Variants in NTRK2 observed in about 807,000 individuals in gnomAD.
NTRK2 encodes the protein neurotrophic receptor tyrosine kinase 2, also known as BDNF/NT-3 growth factors receptor.
A neutral mutation model predicts 94.5 loss-of-function variants in NTRK2; 13 were observed. The observed-to-expected ratio is 0.14, with a 90% CI of 0.09 to 0.22. The LOEUF (loss-of-function observed/expected upper bound fraction) is 0.22, where lower values mean the gene tolerates loss of function less well. Ranked by LOEUF, NTRK2 falls within the 10% of genes least tolerant of loss-of-function variation. The pLI is 1.00. For missense variants in NTRK2, 639 were observed against 1,071.2 expected (o/e 0.60, Z 5.63); for synonymous variants, 372 against 407.4 (o/e 0.91, Z 1.05).
intron 9 of NTRK2, among the ~76,000 whole-genome samples, chr9:84,739,061 T>G (rs924471559): frequency 2.0e-5 from 3 of 152,146 alleles, no homozygotes; most frequent in African/African-American, 7.2e-5. Flanking sequence ...AATTATTTAT[T>G]TATTTTTGAG....
At chr9:84,787,954 C>T (rs78813721) in intron 12 of NTRK2, among the ~76,000 whole-genome samples, 2,216 of 152,288 alleles carry the variant, frequency 0.015, 45 homozygotes, top group South Asian at 0.033. Flanking sequence ...TTCTGTGCCT[C>T]AGTTTCGCAC....
chr9:84,779,573 T>G (rs1405704482), intron 12 of NTRK2, among the ~76,000 whole-genome samples: 1 of 152,244 alleles, frequency 6.6e-6, no homozygotes, highest in Non-Finnish European at 1.5e-5. Flanking sequence ...TTTCTTGTTC[T>G]GCAAAAGGGG....
chr9:84,672,736 T>TATC lies in NTRK2; in HGVS notation c.212+1777_212+1779dup, dbSNP rs1387265550. On this transcript the variant is annotated intron_variant, in intron 2 of 18. Transcript: ENST00000277120. ...TGATCTGAGAAAAAGGAAATAAAACTATCTTTAAATCTAAAAAATTATTAT... is the reference window on the plus strand; with the variant it reads ...TGATCTGAGAAAAAGGAAATAAAACTATCATCTTTAAATCTAAAAAATTATTAT... Among the ~76,000 whole-genome samples the TATC allele has an allele frequency of 2.1e-4, 32 of 152,326 alleles. No homozygotes were observed. The South Asian group carries it at 5.6e-3, about 27-fold the overall frequency.
At chr9:84,737,652 A>G (rs1354906406) in intron 9 of NTRK2, among the ~76,000 whole-genome samples, 1 of 151,940 alleles carries the variant, frequency 6.6e-6, no homozygotes, top group Non-Finnish European at 1.5e-5. Context: ...ATTTTTTTCA[A>G]CTTGTATTTT....
intron 2 of NTRK2, among the ~76,000 whole-genome samples, chr9:84,694,514 T>C (rs929901271): frequency 1.3e-5 from 2 of 152,192 alleles, no homozygotes; most frequent in African/African-American, 2.4e-5. Flanking sequence ...CCCTCAAGAA[T>C]AGAGCCACAG....
chr9:84,673,001 C>T (rs1248825539), intron 2 of NTRK2, among the ~76,000 whole-genome samples: 1 of 152,056 alleles, frequency 6.6e-6, no homozygotes, highest in Non-Finnish European at 1.5e-5. Flanking sequence ...ATTTGAAAAC[C>T]TCTTGGGGTT....
intron 12 of NTRK2, among the ~76,000 whole-genome samples, chr9:84,807,421 C>T (rs1280888571): frequency 1.3e-5 from 2 of 152,184 alleles, no homozygotes; most frequent in Admixed American, 6.5e-5. Flanking sequence ...AACTTTACAT[C>T]CCATTTCTCA....
chr9:84,811,705 G>A (rs969610886), intron 12 of NTRK2: 4 of 1,065,470 alleles, frequency 3.8e-6, no homozygotes, highest in African/African-American at 1.6e-5. Flanking sequence ...CAAAGAGGTG[G>A]CAGGTCGCTA....
chr9:84,815,592 A>G, intron 12 of NTRK2: 1 of 1,006,192 alleles, frequency 9.9e-7, no homozygotes, highest in Non-Finnish European at 1.2e-6. Flanking sequence ...AATAATGGAT[A>G]ATCATTTTAA....
intron 14 of NTRK2, among the ~76,000 whole-genome samples, chr9:84,892,108 A>G (rs182791005): frequency 7.1e-4 from 108 of 152,292 alleles, no homozygotes; most frequent in Admixed American, 1.4e-3. Flanking sequence ...AACAAATCAT[A>G]TATCTAAATG....
intron 17 of NTRK2, among the ~76,000 whole-genome samples, chr9:85,013,348 G>T (rs1831846483): frequency 6.6e-6 from 1 of 152,148 alleles, no homozygotes; most frequent in African/African-American, 2.4e-5. Flanking sequence ...TGTCACCCAG[G>T]CTGGAATGCA....
At chr9:84,895,655 A>G (rs1025230242) in intron 14 of NTRK2, among the ~76,000 whole-genome samples, 3 of 152,256 alleles carry the variant, frequency 2.0e-5, no homozygotes, top group African/African-American at 4.8e-5. Context: ...AATTATGGGC[A>G]TGATTATAAA....
At chr9:85,004,113 A>C (rs1015317230) in intron 17 of NTRK2, among the ~76,000 whole-genome samples, 4 of 150,362 alleles carry the variant, frequency 2.7e-5, no homozygotes, top group Admixed American at 2.0e-4. Flanking sequence ...GAAGGGAGGA[A>C]GGGAGTGAGG....
intron 14 of NTRK2, among the ~76,000 whole-genome samples, chr9:84,888,528 G>T (rs939653495): frequency 7.0e-6 from 1 of 142,250 alleles, no homozygotes; most frequent in Non-Finnish European, 1.5e-5. Flanking sequence ...CAGGAGAATC[G>T]CTTGAACCCG....
chr9:84,813,665 T>A, intron 12 of NTRK2: 1 of 1,066,116 alleles, frequency 9.4e-7, no homozygotes. Flanking sequence ...TCTGCACCAA[T>A]GTCTCCCCTC....
chr9:84,848,697 A>G (rs1310236202), intron 12 of NTRK2, among the ~76,000 whole-genome samples: 4 of 152,224 alleles, frequency 2.6e-5, no homozygotes, highest in Non-Finnish European at 2.9e-5. Flanking sequence ...GGCCCAGCTT[A>G]ATCACTCATG....
chr9:84,874,645 C>T (rs755686504), intron 14 of NTRK2: 7 of 1,061,870 alleles, frequency 6.6e-6, no homozygotes, highest in Non-Finnish European at 8.0e-6. Flanking sequence ...AGAGCTACTT[C>T]TTAGTTCAAC....
chr9:84,745,805 G>T (rs17087586), intron 11 of NTRK2, among the ~76,000 whole-genome samples: 7,024 of 152,228 alleles, frequency 0.046, 240 homozygotes, highest in East Asian at 0.15. Flanking sequence ...AGGACAGCAG[G>T]GTTGGAGATA....
At chr9:84,960,803 T>C (rs1278920812) in intron 17 of NTRK2, among the ~76,000 whole-genome samples, 1 of 152,192 alleles carries the variant, frequency 6.6e-6, no homozygotes, top group African/African-American at 2.4e-5. Context: ...TGTCTCTCAT[T>C]AATATGAGAG....
Sources: gnomAD v4.1 joint callset for allele counts (sites outside exome capture counted in the v4.1 genomes callset) on GRCh38, gnomAD v4.1.1 for gene constraint, MANE v1.5 for transcripts, NCBI Gene and HGNC (gene_info 2026-07-23, HGNC 2026-07-21) for gene names.